The following LAMC3 variants were observed in gnomAD, a reference collection of about 807,000 sequenced individuals.
LAMC3 encodes the protein laminin subunit gamma 3, also known as laminin subunit gamma-3.
A neutral mutation model predicts 173.8 loss-of-function variants in LAMC3; 128 were observed. The observed-to-expected ratio is 0.74, with a 90% confidence interval of 0.64 to 0.85. LAMC3 has a LOEUF of 0.85. Ranked by LOEUF, LAMC3 falls within the 40% of genes least tolerant of loss-of-function variation. LAMC3 has a pLI of 0.00. For synonymous variants in LAMC3, 897 were observed against 909.1 expected (o/e 0.99, Z 0.24); for missense variants, 2,022 against 2,156.0 (o/e 0.94, Z 1.23).
At chr9:131,081,464 T>TCCC (rs1554790896) in intron 23 of LAMC3, among the ~76,000 whole-genome samples, 40 of 53,402 alleles carry the variant, frequency 7.5e-4, no homozygotes, top group Non-Finnish European at 1.1e-3. Flanking sequence ...CCTCCCTCCC[T>TCCC]TCCTTCCTTT....
Position 131,036,429 on chromosome 9 carries a change from G to T in LAMC3, c.976+97G>T. 4.2e-6 allele frequency: 6 copies of T among 1,422,652 alleles called. No individual in the cohort carries two copies. The Admixed American group carries it at 1.1e-4, about 26-fold the overall frequency. The allele number at this position is 1,422,652 out of a possible 1,614,324, so 88.1% of individuals were successfully genotyped here. ...AAACGTCGTGGTGGGGGCTGCTCCT[G>T]GGTACGCCCCGGGGGCAGCTCGGGG... On this transcript the variant is annotated intron_variant, in intron 4 of 27. Transcript: ENST00000361069.
rs1274076711 is a variant in LAMC3 at position 131,065,789 on chromosome 9, G to A, written c.2348-1171G>A. ...AGAAGGTGATGTTGATGAAGATAATGGTCAAGATGACAATGGTGATGAAGG... is the reference window on the plus strand; with the variant it reads ...AGAAGGTGATGTTGATGAAGATAATAGTCAAGATGACAATGGTGATGAAGG... On this transcript the variant is annotated intron_variant, in intron 13 of 27. Coordinates refer to ENST00000361069, the MANE Select transcript of LAMC3 (RefSeq NM_006059.4). 5.9e-5 allele frequency among the ~76,000 whole-genome samples: 9 copies of A among 151,794 alleles called. No individual in the cohort carries two copies. In the East Asian group the frequency reaches 9.7e-4, roughly 16 times the overall value.
chr9:131,056,693 T>C (rs1056348050), intron 11 of LAMC3, among the ~76,000 whole-genome samples: 10 of 151,666 alleles, frequency 6.6e-5, no homozygotes, highest in Non-Finnish European at 1.5e-4. Context: ...CTTGGGAGGG[T>C]GACATGGTGG....
At chr9:131,034,276 G>T (rs1210254862) in intron 3 of LAMC3, among the ~76,000 whole-genome samples, 1 of 152,204 alleles carries the variant, frequency 6.6e-6, no homozygotes, top group Non-Finnish European at 1.5e-5. Flanking sequence ...CAAGGCAGGG[G>T]CAGTCCCTTG....
At chr9:131,059,969 G>C (rs909381474) in intron 12 of LAMC3, among the ~76,000 whole-genome samples, 2 of 152,188 alleles carry the variant, frequency 1.3e-5, no homozygotes, top group Non-Finnish European at 2.9e-5. Context: ...CCTGGAAGTG[G>C]TGGTCTTGGT....
intron 2 of LAMC3, among the ~76,000 whole-genome samples, chr9:131,028,062 G>GA (rs1245103820): frequency 6.6e-6 from 1 of 152,252 alleles, no homozygotes; most frequent in Non-Finnish European, 1.5e-5. Flanking sequence ...CACACAGCAG[G>GA]AGATGAGCGC....
Position 131,009,976 on chromosome 9 carries a change from A to G in LAMC3, c.373+389A>G, listed in dbSNP as rs1833382753. ...CGAGACCAGCCTGGCCAACATGGTGAAAACCCGTCTCTACTAAAAATAGAA... is the reference window on the plus strand; with the variant it reads ...CGAGACCAGCCTGGCCAACATGGTGGAAACCCGTCTCTACTAAAAATAGAA... On this transcript the variant is annotated intron_variant, in intron 1 of 27. Transcript: ENST00000361069. The surrounding 1 kb of genome is among the most constrained non-coding windows in gnomAD (Gnocchi z 4.3). Among the ~76,000 whole-genome samples the G allele has an allele frequency of 6.6e-6, 1 of 152,030 alleles. No homozygotes were observed. Among genetic ancestry groups the G allele is most frequent in the Admixed American group, 6.6e-5 (1 of 15,258 alleles).
intron 13 of LAMC3, among the ~76,000 whole-genome samples, chr9:131,065,990 C>T (rs1271166120): frequency 3.3e-5 from 5 of 152,066 alleles, no homozygotes; most frequent in African/African-American, 7.2e-5. Context: ...GTCAGGAGTT[C>T]GAGACCAGCA....
At position 131,066,981 on chromosome 9, in the gene LAMC3, A is replaced by T; in HGVS notation, c.2369A>T (p.Asp790Val). 1 of 1,613,950 alleles carries T rather than the reference A, an allele frequency of 6.2e-7. No homozygotes were observed. The highest frequency in any genetic ancestry group is 1.7e-5 in the Admixed American group (1 of 60,022). Residue 790 changes from aspartate (D) to valine (V), a missense_variant, in exon 14 of 28, where the codon GAT becomes GTT. Coordinates refer to ENST00000361069, the MANE Select transcript of LAMC3 (RefSeq NM_006059.4). ...GQRGRRCEVC[D>V]DGFFGDPLGL... ...ACAGGGCGGCGCTGTGAGGTCTGTG[A>T]TGATGGCTTTTTTGGGGACCCGCTG...
At position 131,032,508 on chromosome 9, in the gene LAMC3, CTCTCTCTCTCTTGCTCTCTCTCGCTG is replaced by C. The variant is rs1245814479; in HGVS notation, c.809+359_809+384del. Among the ~76,000 whole-genome samples, 535 of 89,358 alleles carry C rather than the reference CTCTCTCTCTCTTGCTCTCTCTCGCTG, an allele frequency of 6.0e-3. 1 individual carries two copies. The highest frequency in any genetic ancestry group is 1.0e-2 in the Non-Finnish European group (355 of 35,510). 58.6% of individuals were successfully genotyped at this position (89,358 alleles called of 152,430 possible). A position where few individuals can be genotyped will look rare whatever the true frequency, so the allele number is the denominator to read the frequency against. ...TCTCGCTCTCGCTCTCTCTCACTCG[CTCTCTCTCTCTTGCTCTCTCTCGCTG>C]TCTCTCTCTCTTGCTCTCTCTCGCT... On this transcript the variant is annotated intron_variant, in intron 3 of 27. Coordinates refer to ENST00000361069, the MANE Select transcript of LAMC3 (RefSeq NM_006059.4).
intron 7 of LAMC3, among the ~76,000 whole-genome samples, chr9:131,042,736 C>T (rs1438902979): frequency 1.3e-5 from 2 of 151,612 alleles, no homozygotes; most frequent in African/African-American, 4.9e-5. Context: ...ACTAATGAAG[C>T]ACTACTACAA....
intron 6 of LAMC3, among the ~76,000 whole-genome samples, chr9:131,040,828 C>T (rs1375688682): frequency 6.6e-6 from 1 of 152,240 alleles, no homozygotes; most frequent in African/African-American, 2.4e-5. Context: ...AGAGGCCCCA[C>T]AGTGCAGGCA....
intron 6 of LAMC3, 72 bp downstream of exon 6, chr9:131,039,320 G>A: frequency 7.9e-7 from 1 of 1,270,722 alleles, no homozygotes; most frequent in Non-Finnish European, 1.1e-6. Flanking sequence ...CAGGCTGTCA[G>A]CAGTCCCTCC....
At chr9:131,090,773 T>C (rs996444180) in intron 27 of LAMC3, among the ~76,000 whole-genome samples, 1 of 152,196 alleles carries the variant, frequency 6.6e-6, no homozygotes, top group African/African-American at 2.4e-5. Context: ...ACACCTGTAA[T>C]CCCAGCACTT....
Position 131,045,542 on chromosome 9 carries a change from T to C in LAMC3, c.1401T>C (p.Phe467=), listed in dbSNP as rs767629808. ...NLCDRCRPGT[F]NLQPHNPAGC... is the part of the protein sequence containing the mutation. Reference sequence around the variant, plus strand: ...ATTTCAGATGTCGCCCGGGGACCTTTAACCTGCAGCCCCACAATCCAGCTG... The same window carrying C: ...ATTTCAGATGTCGCCCGGGGACCTTCAACCTGCAGCCCCACAATCCAGCTG... Residue 467 remains phenylalanine, a synonymous_variant, in exon 8 of 28, where the codon TTT becomes TTC. Transcript: ENST00000361069. 1 of 1,613,882 alleles carries C rather than the reference T, an allele frequency of 6.2e-7. No homozygotes were observed. Among genetic ancestry groups the C allele is most frequent in the Admixed American group, 1.7e-5 (1 of 60,024 alleles).
At chr9:131,012,424 GT>G (rs1270018309) in intron 1 of LAMC3, among the ~76,000 whole-genome samples, 1 of 152,230 alleles carries the variant, frequency 6.6e-6, no homozygotes, top group Non-Finnish European at 1.5e-5. Context: ...AGCCATGGCA[GT>G]CCCTGTGTGT....
rs754251028 is a variant in LAMC3 at position 131,091,673 on chromosome 9, G to A, written c.4614G>A (p.Gln1538=). ...GTCTGCTGGAGCAGGAATCCCAGCA[G>A]CAGGAGCTGCAGATCCAGGGCTTCG... ...KLSLLEQESQ[Q]QELQIQGFES... The change falls in exon 28 of 28, where the codon CAG becomes CAA. Residue 1538 remains glutamine (Q), a synonymous_variant. Coordinates refer to ENST00000361069, the MANE Select transcript of LAMC3 (RefSeq NM_006059.4). 14 of 1,609,338 alleles carry A rather than the reference G, an allele frequency of 8.7e-6. No individual in the cohort carries two copies. Among genetic ancestry groups the A allele is most frequent in the Non-Finnish European group, 1.2e-5 (14 of 1,178,216 alleles).
Position 131,069,734 on chromosome 9 carries a change from T to C in LAMC3, c.2953T>C (p.Cys985Arg), listed in dbSNP as rs1459922207. 3 of 1,602,306 alleles carry C rather than the reference T, an allele frequency of 1.9e-6. No homozygotes were observed. The highest frequency in any genetic ancestry group is 1.1e-5 in the South Asian group (1 of 88,932). Residue 985 changes from cysteine to arginine, a missense_variant, in exon 17 of 28, where the codon TGC becomes CGC. Cys to Arg is a radical substitution (Grantham distance 180). Transcript: ENST00000361069. Reference sequence around the variant, plus strand: ...GTGCCACGAGAACGGCACATGCGTGTGCAGGCCTGGCTTCGAGGGCTACAA... The same window carrying C: ...GTGCCACGAGAACGGCACATGCGTGCGCAGGCCTGGCTTCGAGGGCTACAA... ...AQCHENGTCV[C>R]RPGFEGYKCD...
At chr9:131,077,159 C>G (rs1284727234) in intron 21 of LAMC3, 28 bp from the exon 22 acceptor site, 10 of 1,612,132 alleles carry the variant, frequency 6.2e-6, no homozygotes, top group African/African-American at 1.3e-5. Flanking sequence ...GTTCTGCACC[C>G]AGCTCCGTGG....
Sources: allele counts gnomAD v4.1 joint callset (sites outside exome capture counted in the v4.1 genomes callset), GRCh38; gene constraint gnomAD v4.1.1; non-coding constraint Gnocchi (gnomAD v3.1); transcripts MANE v1.5; gene names NCBI Gene and HGNC (gene_info 2026-07-23, HGNC 2026-07-21).